Variants in DNAH6 observed in about 807,000 individuals in gnomAD.
DNAH6 encodes axonemal beta dynein heavy chain 6.
A neutral mutation model predicts 491.4 loss-of-function variants in DNAH6; 340 were observed. The observed-to-expected ratio is 0.69, with a 90% CI of 0.63 to 0.76. DNAH6 has a LOEUF of 0.76. Among genes scored for constraint, DNAH6 ranks in the 30% least tolerant of loss-of-function variants. DNAH6 has a pLI of 0.00. For missense variants in DNAH6, 4,443 were observed against 4,972.2 expected, an observed-to-expected ratio of 0.89 and a Z score of 3.20; for synonymous variants, 1,603 against 1,686.1, an observed-to-expected ratio of 0.95 and a Z score of 1.21.
At chr2:84,759,094 T>C (rs1188191730) in intron 63 of DNAH6, among the ~76,000 whole-genome samples, 1 of 151,938 alleles carries the variant, frequency 6.6e-6, no homozygotes, top group Non-Finnish European at 1.5e-5. Context: ...TAAATGAATT[T>C]AGAAAGTTGC....
chr2:84,673,231 A>G (rs941151150), intron 40 of DNAH6, among the ~76,000 whole-genome samples: 19 of 151,720 alleles, frequency 1.3e-4, no homozygotes, highest in African/African-American at 4.6e-4. Context: ...CACCAAACCA[A>G]CAGGAGAGGC....
the DNAH6 span, among the ~76,000 whole-genome samples, chr2:84,468,899 C>T: frequency 6.6e-6 from 1 of 152,144 alleles, no homozygotes; most frequent in African/African-American, 2.4e-5. Context: ...GGTCAAGCTT[C>T]CAAGGACATA....
At chr2:84,551,798 A>G (rs961721352) in intron 9 of DNAH6, among the ~76,000 whole-genome samples, 1 of 152,246 alleles carries the variant, frequency 6.6e-6, no homozygotes, top group Admixed American at 6.5e-5. Context: ...TTGTAATCCC[A>G]GCACTTTGGG....
At chr2:84,711,140 G>T (rs1318109233) in intron 56 of DNAH6, among the ~76,000 whole-genome samples, 2 of 152,166 alleles carry the variant, frequency 1.3e-5, no homozygotes, top group African/African-American at 4.8e-5. Flanking sequence ...GTAAAGAGGG[G>T]GCTGGGATAG....
chr2:84,612,024 A>G (rs977906810), intron 22 of DNAH6, among the ~76,000 whole-genome samples, 170 bp downstream of exon 22: 4 of 152,110 alleles, frequency 2.6e-5, no homozygotes, highest in Non-Finnish European at 5.9e-5. Context: ...CACACTTGCT[A>G]AGCAATGTCA....
chr2:84,472,269 T>C, the DNAH6 span, among the ~76,000 whole-genome samples: 252 of 152,032 alleles, frequency 1.7e-3, 1 homozygote, highest in African/African-American at 5.7e-3. Context: ...CCTGTCCTTG[T>C]GGGTTATATG....
intron 4 of DNAH6, among the ~76,000 whole-genome samples, chr2:84,530,062 A>C (rs562501560): frequency 6.6e-6 from 1 of 152,370 alleles, no homozygotes; most frequent in African/African-American, 2.4e-5. Flanking sequence ...GCAATCGTTC[A>C]GCAAAATTTA....
intron 12 of DNAH6, among the ~76,000 whole-genome samples, chr2:84,576,552 C>T (rs1165058414): frequency 6.6e-6 from 1 of 151,622 alleles, no homozygotes; most frequent in Non-Finnish European, 1.5e-5. Flanking sequence ...TTTTAGAGGC[C>T]CAGAGGGTAC....
chr2:84,703,660 A>G, intron 50 of DNAH6, 98 bp downstream of exon 50: 1 of 1,082,018 alleles, frequency 9.2e-7, no homozygotes, highest in South Asian at 2.8e-5. Context: ...TATATATGTT[A>G]TTAAAATAAT....
At chr2:84,675,312 G>A (rs1573447143) in intron 40 of DNAH6, among the ~76,000 whole-genome samples, 1 of 152,092 alleles carries the variant, frequency 6.6e-6, no homozygotes, top group East Asian at 1.9e-4. Context: ...CTTGTATATA[G>A]TAAGCCGTTG....
intron 26 of DNAH6, among the ~76,000 whole-genome samples, chr2:84,623,357 A>G (rs78866279): frequency 0.035 from 5,402 of 152,274 alleles, 145 homozygotes; most frequent in Non-Finnish European, 0.053. Context: ...GTAAGGACCT[A>G]GGCCGACTCT....
chr2:84,580,977 C>T (rs1682967743), intron 14 of DNAH6, among the ~76,000 whole-genome samples: 1 of 152,210 alleles, frequency 6.6e-6, no homozygotes. Flanking sequence ...CCTCTGCAGA[C>T]AGCTACTTCT....
the DNAH6 span, among the ~76,000 whole-genome samples, chr2:84,490,237 GT>G: frequency 6.6e-6 from 1 of 151,756 alleles, no homozygotes; most frequent in Non-Finnish European, 1.5e-5. Flanking sequence ...TTAACGCTTG[GT>G]TTTCTTTCTT....
upstream of DNAH6, among the ~76,000 whole-genome samples, chr2:84,514,554 T>C (rs1026082232): frequency 3.9e-5 from 6 of 152,350 alleles, no homozygotes; most frequent in South Asian, 2.1e-4. Context: ...AACCTACTTC[T>C]TTAGCTGTGA....
At chr2:84,788,701 G>T (rs1019180946) in intron 68 of DNAH6, among the ~76,000 whole-genome samples, 4 of 152,114 alleles carry the variant, frequency 2.6e-5, no homozygotes, top group African/African-American at 4.8e-5. Flanking sequence ...TTATCAGGTC[G>T]ATTTATTTTT....
chr2:84,686,785 T>C (rs1694299450), intron 44 of DNAH6, among the ~76,000 whole-genome samples: 1 of 152,226 alleles, frequency 6.6e-6, no homozygotes, highest in Admixed American at 6.5e-5. Flanking sequence ...TTTATATGGT[T>C]GCTTTTGCTC....
chr2:84,618,889 G>A (rs999924443), intron 23 of DNAH6, among the ~76,000 whole-genome samples: 6 of 152,174 alleles, frequency 3.9e-5, no homozygotes, highest in Non-Finnish European at 7.4e-5. Context: ...AGTCAGGTCC[G>A]CTATTGGAAC....
intron 12 of DNAH6, among the ~76,000 whole-genome samples, chr2:84,576,231 G>A (rs1682431991): frequency 6.6e-6 from 1 of 152,222 alleles, no homozygotes; most frequent in East Asian, 1.9e-4. Flanking sequence ...GAGTAAGGGA[G>A]GTAATTGCTG....
At chr2:84,758,053 T>C (rs966401579) in intron 63 of DNAH6, among the ~76,000 whole-genome samples, 1 of 152,222 alleles carries the variant, frequency 6.6e-6, no homozygotes, top group African/African-American at 2.4e-5. Context: ...GAAAATTAGT[T>C]CACATACATG....
Sources: allele counts gnomAD v4.1 joint callset (sites outside exome capture counted in the v4.1 genomes callset), GRCh38; gene constraint gnomAD v4.1.1; transcripts MANE v1.5; gene names NCBI Gene and HGNC (gene_info 2026-07-23, HGNC 2026-07-21).